The following RAP1GAP2 variants were observed in gnomAD, a reference collection of about 807,000 sequenced individuals.
RAP1GAP2 encodes the protein RAP1 GTPase activating protein 2.
In RAP1GAP2, 27 loss-of-function variants were observed where a neutral mutation model predicts 95.0. The observed-to-expected ratio is 0.28, with a 90% CI of 0.21 to 0.39. RAP1GAP2 has a LOEUF of 0.39. Ranked by LOEUF, RAP1GAP2 falls within the 10% of genes least tolerant of loss-of-function variation. The pLI is 1.00. For synonymous variants in RAP1GAP2, 373 were observed against 380.9 expected (o/e 0.98, Z 0.24); for missense variants, 771 against 970.0 (o/e 0.79, Z 2.72).
chr17:2,834,227 A>G (rs959733712), intron 2 of RAP1GAP2, among the ~76,000 whole-genome samples: 1 of 152,116 alleles, frequency 6.6e-6, no homozygotes, highest in Non-Finnish European at 1.5e-5. Flanking sequence ...TTTTCATCCT[A>G]TCCCAGTTCT....
At chr17:3,014,747 G>A (rs2046698680) in intron 17 of RAP1GAP2, among the ~76,000 whole-genome samples, 1 of 152,010 alleles carries the variant, frequency 6.6e-6, no homozygotes, top group Admixed American at 6.5e-5. Flanking sequence ...ATTAGAGATG[G>A]GGTTTCACCA....
At chr17:2,911,185 C>G (rs994868096) in intron 3 of RAP1GAP2, among the ~76,000 whole-genome samples, 7 of 152,098 alleles carry the variant, frequency 4.6e-5, no homozygotes, top group Non-Finnish European at 2.9e-5. Context: ...CGGGCCCCCA[C>G]CCTCACTGGC....
chr17:2,767,617 T>A (rs1166008751), intron 1 of RAP1GAP2, among the ~76,000 whole-genome samples: 1 of 152,106 alleles, frequency 6.6e-6, no homozygotes, highest in Non-Finnish European at 1.5e-5. Flanking sequence ...CTTGATTTTT[T>A]CCTCTGAACA....
intron 1 of RAP1GAP2, chr17:2,755,790 G>A: frequency 2.8e-6 from 1 of 354,012 alleles, no homozygotes. Flanking sequence ...CGGGCGGCGC[G>A]GGGCCTAATG....
intron 3 of RAP1GAP2, 47 bp downstream of exon 3, chr17:2,905,415 A>G (rs780084339): frequency 1.6e-5 from 26 of 1,580,094 alleles, no homozygotes; most frequent in Non-Finnish European, 2.2e-5. Flanking sequence ...AGTGTGGGGA[A>G]GTTGTGAGGC....
At chr17:2,953,018 C>A (rs1286045149) in intron 3 of RAP1GAP2, among the ~76,000 whole-genome samples, 1 of 151,978 alleles carries the variant, frequency 6.6e-6, no homozygotes, top group Non-Finnish European at 1.5e-5. Context: ...GTTGGCCAGG[C>A]TGGTCTCGAA....
At chr17:2,882,827 G>A (rs891767431) in intron 2 of RAP1GAP2, among the ~76,000 whole-genome samples, 1 of 152,202 alleles carries the variant, frequency 6.6e-6, no homozygotes, top group Non-Finnish European at 1.5e-5. Context: ...GAGGCCACGG[G>A]TGAGGGAAGT....
chr17:3,018,243 G>C, intron 18 of RAP1GAP2, 45 bp downstream of exon 18: 2 of 1,522,030 alleles, frequency 1.3e-6, no homozygotes, highest in Non-Finnish European at 8.8e-7. Context: ...TCCCAGGGAG[G>C]CCCCCCCCAG....
At chr17:2,995,247 C>G in intron 12 of RAP1GAP2, 90 bp from the exon 13 acceptor site, 1 of 1,465,706 alleles carries the variant, frequency 6.8e-7, no homozygotes, top group African/African-American at 1.4e-5. Flanking sequence ...TGCGTATCCT[C>G]TGCTGCGTAT....
At chr17:3,012,883 T>G (rs189696966) in intron 17 of RAP1GAP2, among the ~76,000 whole-genome samples, 1 of 152,290 alleles carries the variant, frequency 6.6e-6, no homozygotes, top group East Asian at 1.9e-4. Context: ...GATGAGGTTG[T>G]TATTGGTCCG....
chr17:2,911,091 C>T (rs888668173), intron 3 of RAP1GAP2, among the ~76,000 whole-genome samples: 2 of 152,132 alleles, frequency 1.3e-5, no homozygotes, highest in East Asian at 3.9e-4. Context: ...GGCCCAGGGA[C>T]GGCCTCTTGT....
At chr17:2,998,153 C>T in intron 13 of RAP1GAP2, 68 bp from the exon 14 acceptor site, 2 of 1,534,662 alleles carry the variant, frequency 1.3e-6, no homozygotes, top group Admixed American at 3.4e-5. Context: ...AGTGAACCCA[C>T]TCTTTCCCCA....
Position 2,769,796 on chromosome 17 carries a change from G to A in RAP1GAP2, c.51-533G>A, listed in dbSNP as rs565955093. On this transcript the variant is annotated intron_variant, in intron 1 of 25. Coordinates refer to the RAP1GAP2 transcript ENST00000637138. ...TAGAAAGCTTTTCCATCTACTGCCA[G>A]GTGCAGTGGTTCACACCTGTAATCC... 4.6e-5 allele frequency among the ~76,000 whole-genome samples: 7 copies of A among 152,026 alleles called. No individual in the cohort carries two copies. The South Asian group carries it at 1.5e-3, about 32-fold the overall frequency.
At chr17:3,018,322 G>T in intron 18 of RAP1GAP2, 124 bp downstream of exon 18, 2 of 1,302,192 alleles carry the variant, frequency 1.5e-6, no homozygotes, top group Non-Finnish European at 1.0e-6. Context: ...CTGGATGATG[G>T]TGGGAAACTG....
chr17:2,888,300 C>G (rs1431641633), intron 2 of RAP1GAP2, among the ~76,000 whole-genome samples: 2 of 152,160 alleles, frequency 1.3e-5, no homozygotes, highest in Non-Finnish European at 2.9e-5. Flanking sequence ...GCTCTTCTGG[C>G]TATTTGAAAA....
At chr17:2,769,923 A>T (rs2068354453) in intron 1 of RAP1GAP2, among the ~76,000 whole-genome samples, 1 of 151,850 alleles carries the variant, frequency 6.6e-6, no homozygotes, top group Non-Finnish European at 1.5e-5. Context: ...AAATACAAAA[A>T]TTAGCGAGGC....
intron 19 of RAP1GAP2, 131 bp from the exon 20 acceptor site, chr17:3,025,877 G>A: frequency 1.5e-6 from 1 of 664,592 alleles, no homozygotes. Flanking sequence ...CATCCAGGCA[G>A]TGATGCCAGG....
rs530470291 is a variant in RAP1GAP2 at position 2,962,552 on chromosome 17, C to G, written c.202-118C>G. 14 of 1,123,428 alleles carry G rather than the reference C, an allele frequency of 1.2e-5. 1 individual carries two copies. In the East Asian group the frequency reaches 1.3e-4, roughly 10 times the overall value. The allele number at this position is 1,123,428 out of a possible 1,614,324, so 69.6% of individuals were successfully genotyped here. On this transcript the variant is annotated intron_variant, in intron 4 of 24. Coordinates refer to ENST00000254695, the MANE Select transcript of RAP1GAP2 (RefSeq NM_015085.5). Reference sequence around the variant, plus strand: ...AGGTGTGATGTGTGCAGGCCCAGCACGGGCCAGCTTTTGCTGCTGCTCCTG... The same window carrying G: ...AGGTGTGATGTGTGCAGGCCCAGCAGGGGCCAGCTTTTGCTGCTGCTCCTG...
chr17:2,996,392 G>A (rs1298908029), intron 13 of RAP1GAP2, among the ~76,000 whole-genome samples: 3 of 152,222 alleles, frequency 2.0e-5, no homozygotes, highest in Non-Finnish European at 4.4e-5. Context: ...AATGCAGGCA[G>A]GCCTTTGCCC....
Sources: gnomAD v4.1 joint callset for allele counts (sites outside exome capture counted in the v4.1 genomes callset) on GRCh38, gnomAD v4.1.1 for gene constraint, MANE v1.5 for transcripts, NCBI Gene and HGNC (gene_info 2026-07-23, HGNC 2026-07-21) for gene names.